CDK8: variants seen among roughly 807,000 people sequenced by gnomAD.
CDK8 encodes cyclin-dependent kinase 8.
A neutral mutation model predicts 71.5 loss-of-function variants in CDK8; 29 were observed. The ratio of observed to expected loss-of-function variants is 0.41; its 90% confidence interval spans 0.30 to 0.55. The LOEUF (loss-of-function observed/expected upper bound fraction) is 0.55. CDK8 is among the 20% of genes least tolerant of loss of function. The probability of loss-of-function intolerance (pLI) is 0.37; values close to 1 mark genes in which losing one functional copy is unlikely to be tolerated. For missense variants in CDK8, 288 were observed against 572.6 expected (o/e 0.50, Z 5.07); for synonymous variants, 161 against 192.1 (o/e 0.84, Z 1.34).
chr13:26,323,313 GA>G (rs1219106014), intron 1 of CDK8, among the ~76,000 whole-genome samples: 9 of 135,844 alleles, frequency 6.6e-5, no homozygotes, highest in African/African-American at 2.5e-4. Flanking sequence ...GAGAGAGAGA[GA>G]GAGAGAGAGA....
chr13:26,362,514 G>C (rs1201855970), intron 4 of CDK8, among the ~76,000 whole-genome samples: 1 of 152,170 alleles, frequency 6.6e-6, no homozygotes, highest in Non-Finnish European at 1.5e-5. Context: ...AGAATGGAGA[G>C]TTCTGATTTC....
At chr13:26,304,767 G>T (rs1873968071) in intron 1 of CDK8, among the ~76,000 whole-genome samples, 1 of 151,916 alleles carries the variant, frequency 6.6e-6, no homozygotes. Context: ...CTCCCAAGTA[G>T]CTGGGACTAC....
intron 1 of CDK8, among the ~76,000 whole-genome samples, chr13:26,319,012 T>G (rs1453488796): frequency 6.6e-6 from 1 of 152,138 alleles, no homozygotes; most frequent in Non-Finnish European, 1.5e-5. Flanking sequence ...TAATCTTATA[T>G]ATAGAAAACC....
intron 4 of CDK8, among the ~76,000 whole-genome samples, chr13:26,369,422 C>T (rs1210680116): frequency 1.5e-4 from 16 of 109,804 alleles, no homozygotes; most frequent in African/African-American, 5.0e-4. Flanking sequence ...GCACTCCAGC[C>T]GGGGTGACAG....
At chr13:26,271,806 CTTTTTTTTTTTTTTTTTTTTTT>C (rs58160694) in intron 1 of CDK8, among the ~76,000 whole-genome samples, 9 of 62,684 alleles carry the variant, frequency 1.4e-4, no homozygotes, top group African/African-American at 5.2e-4. Context: ...GAGACCCTGT[CTTTTTTTTTTTTTTTTTTTTTT>C]TTTTTTTTTT....
At chr13:26,371,144 T>C (rs989985244) in intron 4 of CDK8, among the ~76,000 whole-genome samples, 1 of 152,152 alleles carries the variant, frequency 6.6e-6, no homozygotes, top group African/African-American at 2.4e-5. Flanking sequence ...ACTGTGGTAG[T>C]GAATCATTGT....
In CDK8 at chr13:26,320,555, T is replaced by A. The variant is rs531774275; in HGVS notation, c.129-17012T>A. Among the ~76,000 whole-genome samples, 4 of 152,274 alleles carry A rather than the reference T, an allele frequency of 2.6e-5. No individual in the cohort carries two copies. The South Asian group carries it at 8.3e-4, about 32-fold the overall frequency. On this transcript the variant is annotated intron_variant, in intron 1 of 12. Transcript: ENST00000381527. The stretch of plus-strand genomic sequence containing the variant: ...ACTTCATGAAAATTTTAAGTTTTCT[T>A]GGATCAAAAGACACTATCAACACAG...
intron 2 of CDK8, among the ~76,000 whole-genome samples, chr13:26,340,478 T>A (rs1326360356): frequency 6.6e-6 from 1 of 152,118 alleles, no homozygotes; most frequent in Non-Finnish European, 1.5e-5. Context: ...TGTCTGTGAG[T>A]GGCTAATGGT....
In CDK8 at chr13:26,327,978, T is replaced by A. The variant is rs185476538; in HGVS notation, c.129-9589T>A. On this transcript the variant is annotated intron_variant, in intron 1 of 12. Transcript: ENST00000381527. ...TAAGAGCTGTCTTTTTTTTTTTTTT[T>A]AACTTTTGCTTTCTTTCCCTAGTTG... 4.0e-3 allele frequency among the ~76,000 whole-genome samples: 612 copies of A among 151,576 alleles called. 3 individuals carry two copies. The highest frequency in any genetic ancestry group is 0.014 in the African/African-American group (564 of 41,354).
chr13:26,309,340 C>T (rs1305781992), intron 1 of CDK8, among the ~76,000 whole-genome samples: 4 of 151,954 alleles, frequency 2.6e-5, no homozygotes, highest in African/African-American at 9.7e-5. Flanking sequence ...GGGGTTTCAC[C>T]GTGTTAGCTA....
intron 1 of CDK8, among the ~76,000 whole-genome samples, chr13:26,280,272 A>G (rs1872691178): frequency 6.6e-6 from 1 of 152,222 alleles, no homozygotes; most frequent in Non-Finnish European, 1.5e-5. Flanking sequence ...CCTATACTGT[A>G]ACTGAAATAG....
intron 7 of CDK8, 37 bp from the exon 8 acceptor site, chr13:26,396,248 C>T (rs894871631): frequency 2.2e-6 from 2 of 900,088 alleles, no homozygotes; most frequent in Non-Finnish European, 3.3e-6. Context: ...AGAATAGGAA[C>T]TTAGGCAACA....
At chr13:26,336,122 TAC>T (rs111361937) in intron 1 of CDK8, among the ~76,000 whole-genome samples, 2,448 of 148,668 alleles carry the variant, frequency 0.016, 48 homozygotes, top group African/African-American at 0.046. Context: ...TACACAAACA[TAC>T]ACACACACAC....
chr13:26,328,186 T>G (rs1875112594), intron 1 of CDK8, among the ~76,000 whole-genome samples: 1 of 152,192 alleles, frequency 6.6e-6, no homozygotes, highest in Non-Finnish European at 1.5e-5. Context: ...TACCTCAGCA[T>G]GCAATGGCAG....
chr13:26,295,961 T>C (rs755481453), intron 1 of CDK8, among the ~76,000 whole-genome samples: 6 of 152,096 alleles, frequency 3.9e-5, no homozygotes, highest in Non-Finnish European at 8.8e-5. Flanking sequence ...GACTGGACAG[T>C]GGCTGTACAG....
At chr13:26,306,622 C>CTTTTTTTTTT (rs554661537) in intron 1 of CDK8, among the ~76,000 whole-genome samples, 1 of 126,728 alleles carries the variant, frequency 7.9e-6, no homozygotes. Flanking sequence ...CCTTATTGCT[C>CTTTTTTTTTT]TTTTTTTTTT....
chr13:26,396,329 T>C lies in CDK8; in HGVS notation c.835T>C (p.Leu279=). 1 of 1,464,374 alleles carries C rather than the reference T, an allele frequency of 6.8e-7. No homozygotes were observed. The allele number at this position is 1,464,374 out of a possible 1,614,324, so 90.7% of individuals were successfully genotyped here. ...DIKKMPEHST[L]MKDFRRNTYT... is the part of the protein sequence containing the mutation. ...AAAAAAGATGCCTGAACATTCAACA[T>C]TAATGAAAGATTTCAGAAGAAATAC... Residue 279 remains leucine, a synonymous_variant, in exon 8 of 13, where the codon TTA becomes CTA. Coordinates refer to ENST00000381527, the MANE Select transcript of CDK8 (RefSeq NM_001260.3).
At chr13:26,344,667 G>C (rs970387498) in intron 2 of CDK8, among the ~76,000 whole-genome samples, 2 of 151,928 alleles carry the variant, frequency 1.3e-5, no homozygotes, top group Non-Finnish European at 1.5e-5. Flanking sequence ...CATGAGAATT[G>C]CTTGAATCTG....
chr13:26,337,759 A>C (rs1296896133), intron 2 of CDK8, 117 bp downstream of exon 2: 3 of 390,718 alleles, frequency 7.7e-6, no homozygotes, highest in Non-Finnish European at 1.4e-5. Flanking sequence ...TTTTATATCA[A>C]CTATATGTAG....
Sources: allele counts gnomAD v4.1 joint callset (sites outside exome capture counted in the v4.1 genomes callset), GRCh38; gene constraint gnomAD v4.1.1; transcripts MANE v1.5; gene names NCBI Gene and HGNC (gene_info 2026-07-23, HGNC 2026-07-21).